Variants in ZNF148 observed in about 807,000 individuals in gnomAD.
The protein encoded by ZNF148 is zinc finger protein 148.
A neutral mutation model predicts 67.7 loss-of-function variants in ZNF148; 7 were observed. That is an observed-to-expected ratio of 0.10 (90% CI 0.06 to 0.19). The LOEUF is 0.19. ZNF148 is among the 10% of genes least tolerant of loss of function. The probability of loss-of-function intolerance (pLI) is 1.00; values close to 1 mark genes in which losing one functional copy is unlikely to be tolerated. For synonymous variants in ZNF148, 333 were observed against 330.7 expected (o/e 1.01, Z -0.08); for missense variants, 583 against 947.1 (o/e 0.62, Z 5.05).
rs113170107 is a variant in ZNF148, at chr3:125,369,982, CA to C, written c.-234+5119del. Among the ~76,000 whole-genome samples, 605 of 129,498 alleles carry C rather than the reference CA, an allele frequency of 4.7e-3. 14 individuals carry two copies. In the East Asian group the frequency reaches 0.057, roughly 12 times the overall value. 85.0% of individuals were successfully genotyped at this position (129,498 alleles called of 152,430 possible). A position where few individuals can be genotyped will look rare whatever the true frequency, so the allele number is the denominator to read the frequency against. ...TGGGCAACAGAGCAAGACCCCGTCT[CA>C]AAAAAAAAAAAATTGTAAATACTAC... On this transcript the variant is annotated intron_variant, in intron 1 of 8. Transcript: ENST00000360647.
At chr3:125,354,348 A>G (rs1942266246) in intron 1 of ZNF148, among the ~76,000 whole-genome samples, 1 of 152,310 alleles carries the variant, frequency 6.6e-6, no homozygotes, top group South Asian at 2.1e-4. Context: ...AGGAAAAAAA[A>G]TTAAACATAA....
intron 7 of ZNF148, among the ~76,000 whole-genome samples, chr3:125,238,236 C>T (rs1187141614): frequency 6.6e-5 from 10 of 151,960 alleles, no homozygotes; most frequent in African/African-American, 2.2e-4. Context: ...CAATGGTTTC[C>T]TATATAAAAT....
chr3:125,252,983 A>G (rs1579623656), intron 7 of ZNF148, among the ~76,000 whole-genome samples: 1 of 152,050 alleles, frequency 6.6e-6, no homozygotes, highest in Non-Finnish European at 1.5e-5. Flanking sequence ...GCTTTTCCAT[A>G]TATGTTTTAA....
At chr3:125,265,208 T>G (rs1937508099) in intron 7 of ZNF148, among the ~76,000 whole-genome samples, 1 of 152,268 alleles carries the variant, frequency 6.6e-6, no homozygotes, top group South Asian at 2.1e-4. Flanking sequence ...TGTTAGACAC[T>G]GAGCAAATTC....
At chr3:125,363,528 T>A (rs1051346650) in intron 1 of ZNF148, among the ~76,000 whole-genome samples, 1 of 152,206 alleles carries the variant, frequency 6.6e-6, no homozygotes, top group Admixed American at 6.5e-5. Context: ...GTTTTCTTTT[T>A]CTCTACTGTT....
At chr3:125,277,080 A>ATTTTCTAAG (rs1360721236) in intron 7 of ZNF148, among the ~76,000 whole-genome samples, 13 of 152,360 alleles carry the variant, frequency 8.5e-5, no homozygotes, top group African/African-American at 2.9e-4. Context: ...TTCTAAAGAA[A>ATTTTCTAAG]CACTTTTCAA....
intron 4 of ZNF148, among the ~76,000 whole-genome samples, chr3:125,294,044 G>A (rs1193061020): frequency 6.6e-6 from 1 of 152,170 alleles, no homozygotes; most frequent in Non-Finnish European, 1.5e-5. Flanking sequence ...TCCACATTAT[G>A]TGCCCCCGAT....
At chr3:125,324,823 A>G (rs1377312404) in intron 2 of ZNF148, among the ~76,000 whole-genome samples, 2 of 152,218 alleles carry the variant, frequency 1.3e-5, no homozygotes, top group African/African-American at 2.4e-5. Context: ...AACAGTTTAT[A>G]TATTTTTTTA....
At chr3:125,314,478 T>A (rs943528970) in intron 3 of ZNF148, among the ~76,000 whole-genome samples, 1 of 152,172 alleles carries the variant, frequency 6.6e-6, no homozygotes, top group African/African-American at 2.4e-5. Flanking sequence ...ATGACCAACT[T>A]TGATCATAGT....
At chr3:125,275,203 A>T (rs957502816) in intron 7 of ZNF148, among the ~76,000 whole-genome samples, 2 of 152,202 alleles carry the variant, frequency 1.3e-5, no homozygotes, top group Admixed American at 6.5e-5. Context: ...GGCAGAATTG[A>T]TTCTCTCTTC....
At chr3:125,268,337 G>A (rs1411241592) in intron 7 of ZNF148, among the ~76,000 whole-genome samples, 1 of 149,602 alleles carries the variant, frequency 6.7e-6, no homozygotes, top group Non-Finnish European at 1.5e-5. Flanking sequence ...AACCAAAACA[G>A]CATGGTACTG....
At chr3:125,325,366 T>A (rs753402633) in intron 2 of ZNF148, among the ~76,000 whole-genome samples, 1 of 151,764 alleles carries the variant, frequency 6.6e-6, no homozygotes, top group African/African-American at 2.4e-5. Context: ...CAAAGACGTA[T>A]GGAACAACAT....
chr3:125,267,199 C>T (rs553896797), intron 7 of ZNF148, among the ~76,000 whole-genome samples: 170 of 151,968 alleles, frequency 1.1e-3, no homozygotes, highest in African/African-American at 3.8e-3. Flanking sequence ...GGATTCCTCC[C>T]TAACTCATTC....
At chr3:125,240,774 AAAAAAACC>A (rs1936315434) in intron 7 of ZNF148, among the ~76,000 whole-genome samples, 1 of 151,698 alleles carries the variant, frequency 6.6e-6, no homozygotes. Context: ...GCAAAAAAAA[AAAAAAACC>A]AAAAACCAAA....
chr3:125,342,000 G>C (rs565720917), intron 1 of ZNF148, among the ~76,000 whole-genome samples: 1 of 75,938 alleles, frequency 1.3e-5, no homozygotes, highest in Non-Finnish European at 2.8e-5. Context: ...GTTTCGGGGC[G>C]GGGGGGGGAA....
rs771983454 is a variant in ZNF148, at chr3:125,230,816, T to C, written c.*1525A>G. The C allele has an allele frequency of 9.2e-5, 14 of 152,034 alleles. No individual in the cohort carries two copies. Among genetic ancestry groups the C allele is most frequent in the East Asian group, 3.9e-4 (2 of 5,188 alleles). The allele number at this position is 152,034 out of a possible 1,614,324, so 9.4% of individuals were successfully genotyped here. A position where few individuals can be genotyped will look rare whatever the true frequency, so the allele number is the denominator to read the frequency against. On this transcript the variant is annotated 3_prime_UTR_variant, in exon 9 of 9. Transcript: ENST00000360647. ...GCATTGTGACAACGATGGCAGAAAATTTAAAATGTAAAAATGAAAAAGTTG... is the reference window on the plus strand; with the variant it reads ...GCATTGTGACAACGATGGCAGAAAACTTAAAATGTAAAAATGAAAAAGTTG...
At chr3:125,345,848 C>CA (rs1012370105) in intron 1 of ZNF148, among the ~76,000 whole-genome samples, 26 of 151,472 alleles carry the variant, frequency 1.7e-4, no homozygotes, top group African/African-American at 6.3e-4. Flanking sequence ...TGCCAAAAAA[C>CA]AAAAAACAAA....
intron 5 of ZNF148, among the ~76,000 whole-genome samples, chr3:125,285,484 C>T (rs905796926): frequency 1.3e-5 from 2 of 151,944 alleles, no homozygotes; most frequent in African/African-American, 2.4e-5. Flanking sequence ...AAAAACAGTC[C>T]AAAACCATTC....
chr3:125,275,491 A>C (rs1443616469), intron 7 of ZNF148, among the ~76,000 whole-genome samples: 3 of 152,212 alleles, frequency 2.0e-5, no homozygotes, highest in African/African-American at 7.2e-5. Flanking sequence ...CAGAGGCTTG[A>C]GCTGAAATCT....
Sources: gnomAD v4.1 joint callset for allele counts (sites outside exome capture counted in the v4.1 genomes callset) on GRCh38, gnomAD v4.1.1 for gene constraint, MANE v1.5 for transcripts, NCBI Gene and HGNC (gene_info 2026-07-23, HGNC 2026-07-21) for gene names.